Variants in ATP12A observed in about 807,000 individuals in gnomAD.
ATP12A encodes ATPase H+/K+ transporting non-gastric alpha2 subunit.
Under a neutral mutation model 111.2 loss-of-function variants are expected in ATP12A, and 81 were observed. The observed-to-expected ratio is 0.73, with a 90% confidence interval of 0.61 to 0.88. ATP12A has a LOEUF of 0.88. Ranked by LOEUF, ATP12A falls within the 40% of genes least tolerant of loss-of-function variation. The pLI, the probability that ATP12A is intolerant of heterozygous loss-of-function variation, is 0.00. For synonymous variants in ATP12A, 498 were observed against 499.8 expected (o/e 1.00, Z 0.05); for missense variants, 1,196 against 1,313.1 (o/e 0.91, Z 1.38).
intron 17 of ATP12A, 59 bp from the exon 18 acceptor site, chr13:24,709,305 C>CCCCCCCCCT: frequency 6.9e-7 from 1 of 1,449,392 alleles, no homozygotes. Flanking sequence ...CCCCCCTCCC[C>CCCCCCCCCT]TACTGTGGGT....
intron 9 of ATP12A, 41 bp downstream of exon 9, chr13:24,692,668 C>A: frequency 6.2e-7 from 1 of 1,601,012 alleles, no homozygotes. Context: ...AAGCTGTGGA[C>A]TCCATCCTGG....
intron 2 of ATP12A, among the ~76,000 whole-genome samples, chr13:24,683,044 C>T (rs1041790875): frequency 1.3e-5 from 2 of 150,944 alleles, no homozygotes; most frequent in Non-Finnish European, 2.9e-5. Flanking sequence ...GCAACCTCCA[C>T]CTCCTGGGTT....
chr13:24,692,627 A>G lies in ATP12A; in HGVS notation c.1267A>G (p.Asn423Asp). The G allele has an allele frequency of 6.2e-7, 1 of 1,612,364 alleles. No individual in the cohort carries two copies. The highest frequency in any genetic ancestry group is 1.3e-5 in the African/African-American group (1 of 75,002). Residue 423 changes from asparagine to aspartate, a missense_variant and splice_region_variant, in exon 9 of 23, where the codon AAC becomes GAC. Asn to Asp is a conservative substitution (Grantham distance 23). This residue lies in a region of ATP12A where 1,126 missense variants were observed against 1,228.5 expected (regional missense o/e 0.92). Transcript: ENST00000381946. ...GGCTGACACCAGTGAGGACCATTCA[A>G]GTAAGTCTTATGGAGAGCTCGGTCT... ...FVADTSEDHSNQVFDQSSRTW... is the reference protein window; with the variant it reads ...FVADTSEDHSDQVFDQSSRTW...
At position 24,681,653 on chromosome 13, in the gene ATP12A, T is replaced by C; in HGVS notation, c.101T>C (p.Leu34Pro). The change falls in exon 2 of 23, where the codon CTG (leucine) becomes CCG (proline). Residue 34 changes from leucine to proline, a missense_variant. Coordinates refer to ENST00000381946, the MANE Select transcript of ATP12A (RefSeq NM_001676.7). ...KGDGKEKYRG[L>P]KNNCLELKKK... ...GATGGCAAGGAGAAGTATAGGGGTC[T>C]GAAGAACAACTGCCTGGAACTCAAA... is the stretch of plus-strand genomic sequence containing the variant. The C allele has an allele frequency of 6.2e-7, 1 of 1,614,176 alleles. No individual in the cohort carries two copies. Among genetic ancestry groups the C allele is most frequent in the Non-Finnish European group, 8.5e-7 (1 of 1,180,016 alleles).
At chr13:24,693,972 A>G (rs969913218) in intron 10 of ATP12A, among the ~76,000 whole-genome samples, 21 of 152,118 alleles carry the variant, frequency 1.4e-4, no homozygotes, top group Admixed American at 1.2e-3. Flanking sequence ...TAGTCACTTA[A>G]CTTTGCTCAA....
rs1229651053 is a variant in ATP12A, at chr13:24,701,957, A to G, written c.1904A>G (p.His635Arg). ...GIKVIMVTGD[H>R]PITAKAIAKS... is the part of the protein sequence containing the mutation. ...TAGGTTATTATGGTTACTGGTGATC[A>G]TCCCATCACAGCCAAAGCTATTGCC... Residue 635 changes from histidine to arginine, a missense_variant, in exon 14 of 23, where the codon CAT (histidine) becomes CGT (arginine). His to Arg is a conservative substitution (Grantham distance 29, BLOSUM62 0). This residue lies in a region of ATP12A where 1,126 missense variants were observed against 1,228.5 expected (regional missense o/e 0.92). Transcript: ENST00000381946. 1.1e-5 allele frequency: 18 copies of G among 1,614,226 alleles called. No homozygotes were observed. The highest frequency in any genetic ancestry group is 1.5e-5 in the Non-Finnish European group (18 of 1,180,042).
chr13:24,708,930 A>AAAGG, intron 17 of ATP12A, among the ~76,000 whole-genome samples: 2 of 140,568 alleles, frequency 1.4e-5, no homozygotes, highest in African/African-American at 5.6e-5. Context: ...AGAAAGAAAG[A>AAAGG]AAGAAAGAAA....
chr13:24,693,018 C>A (rs552937237), intron 10 of ATP12A, 122 bp downstream of exon 10: 25 of 866,486 alleles, frequency 2.9e-5, no homozygotes, highest in Admixed American at 2.4e-5. Context: ...CTTGCAAGAG[C>A]AAGTCAGACT....
intron 12 of ATP12A, among the ~76,000 whole-genome samples, chr13:24,699,327 G>T (rs1279880469): frequency 2.0e-5 from 3 of 152,198 alleles, no homozygotes; most frequent in Non-Finnish European, 4.4e-5. Context: ...AGCACTGAGG[G>T]CTGTGCCACT....
chr13:24,688,204 C>A (rs6490973), intron 3 of ATP12A, 115 bp from the exon 4 acceptor site: 1 of 1,178,194 alleles, frequency 8.5e-7, no homozygotes, highest in Non-Finnish European at 1.2e-6. Context: ...CCTTCTTTGG[C>A]CACGTTAATG....
At chr13:24,690,771 C>A in intron 7 of ATP12A, 50 bp downstream of exon 7, 1 of 1,544,362 alleles carries the variant, frequency 6.5e-7, no homozygotes, top group South Asian at 1.2e-5. Context: ...GTCCTTTCTC[C>A]CTCCTGGGCT....
chr13:24,703,254 G>GTTTT (rs1263250568), intron 14 of ATP12A, among the ~76,000 whole-genome samples: 4 of 152,062 alleles, frequency 2.6e-5, no homozygotes, highest in African/African-American at 9.7e-5. Flanking sequence ...TTGTTTGTTT[G>GTTTT]TTTATTTAGA....
At chr13:24,696,717 T>TA (rs1875172927) in intron 11 of ATP12A, among the ~76,000 whole-genome samples, 1 of 3,916 alleles carries the variant, frequency 2.6e-4, no homozygotes, top group Non-Finnish European at 1.3e-3. Flanking sequence ...AGACTCCGTC[T>TA]CAAAAAAAAA....
At chr13:24,698,469 T>C (rs1875258411) in intron 11 of ATP12A, among the ~76,000 whole-genome samples, 189 bp from the exon 12 acceptor site, 1 of 151,778 alleles carries the variant, frequency 6.6e-6, no homozygotes, top group East Asian at 1.9e-4. Flanking sequence ...TTATCCAGAG[T>C]GGGTGCCCCA....
At chr13:24,683,425 T>A (rs1331242206) in intron 2 of ATP12A, among the ~76,000 whole-genome samples, 1 of 152,232 alleles carries the variant, frequency 6.6e-6, no homozygotes, top group East Asian at 1.9e-4. Context: ...GAGTCTCTTT[T>A]GTGCTAGAGA....
In ATP12A at chr13:24,702,256, G is replaced by A. The variant is rs182386899; in HGVS notation, c.2018+185G>A. On this transcript the variant is annotated intron_variant, in intron 14 of 22. Transcript: ENST00000381946. ...TTCACTGAGCAGCTAATATGTGCCA[G>A]GCACAGTATTGATACCATGAAATGA... 2.1e-3 allele frequency among the ~76,000 whole-genome samples: 315 copies of A among 152,322 alleles called. 1 individual carries two copies. The highest frequency in any genetic ancestry group is 3.1e-3 in the Non-Finnish European group (210 of 68,038).
chr13:24,707,210 G>T lies in ATP12A; in HGVS notation c.2338+19G>T. On this transcript the variant is annotated intron_variant, in intron 16 of 22. Transcript: ENST00000381946. ...GAGGAAGGTGAGTGAGTCTCAGGGG[G>T]TCTTCCCAAGGGCCAGGGTGGTCTG... 6 of 1,613,228 alleles carry T rather than the reference G, an allele frequency of 3.7e-6. No homozygotes were observed. The highest frequency in any genetic ancestry group is 5.1e-6 in the Non-Finnish European group (6 of 1,179,424).
rs201441790 is a variant in ATP12A at position 24,698,658 on chromosome 13, C to T, written c.1513C>T (p.Leu505Phe). 480 of 1,612,834 alleles carry T rather than the reference C, an allele frequency of 3.0e-4. 1 individual carries two copies. The highest frequency in any genetic ancestry group is 3.9e-4 in the Non-Finnish European group (459 of 1,179,868). The stretch of plus-strand genomic sequence containing the variant: ...ACACGCTCAGTTCATTCCTTCCCAG[C>T]TCTCCATCCACGAGATGGATGACCC... Reference protein sequence around the residue: ...IPFNSTNKFQLSIHEMDDPHG... With the variant: ...IPFNSTNKFQFSIHEMDDPHG... Residue 505 changes from leucine to phenylalanine, a missense_variant and splice_region_variant, in exon 12 of 23, where the codon CTC becomes TTC. By Grantham distance (22) the Leu-to-Phe change is conservative. Around this residue, in one of 3 missense-constraint regions of ATP12A, gnomAD observed 1,126 missense variants for 1,228.5 expected, o/e 0.92. Coordinates refer to ENST00000381946, the MANE Select transcript of ATP12A (RefSeq NM_001676.7).
intron 8 of ATP12A, among the ~76,000 whole-genome samples, chr13:24,691,502 C>T (rs1014737976): frequency 3.9e-5 from 6 of 152,170 alleles, no homozygotes; most frequent in Non-Finnish European, 8.8e-5. Context: ...CTTACTCTGC[C>T]CCATAAGATC....
Sources: allele counts gnomAD v4.1 joint callset (sites outside exome capture counted in the v4.1 genomes callset), GRCh38; gene constraint gnomAD v4.1.1; regional missense constraint gnomAD v4.1.1; transcripts MANE v1.5; gene names NCBI Gene and HGNC (gene_info 2026-07-23, HGNC 2026-07-21).